The following CADM2 variants were observed in gnomAD, a reference collection of about 807,000 sequenced individuals.
CADM2 encodes the protein cell adhesion molecule 2.
In CADM2, 12 loss-of-function variants were observed where a neutral mutation model predicts 49.8. The observed-to-expected ratio is 0.24, with a 90% CI of 0.15 to 0.39. The LOEUF (loss-of-function observed/expected upper bound fraction) is 0.39. Among genes scored for constraint, CADM2 ranks in the 10% least tolerant of loss-of-function variants. The pLI, the probability that CADM2 is intolerant of heterozygous loss-of-function variation, is 1.00. For synonymous variants in CADM2, 214 were observed against 175.4 expected (o/e 1.22, Z -1.74); for missense variants, 378 against 492.3 (o/e 0.77, Z 2.20).
At chr3:86,054,853 C>T (rs1475005828) in intron 8 of CADM2, among the ~76,000 whole-genome samples, 2 of 151,938 alleles carry the variant, frequency 1.3e-5, no homozygotes, top group Non-Finnish European at 2.9e-5. Context: ...AATACATTGC[C>T]AAAATGGATA....
rs575783682 is a variant in CADM2, at chr3:85,919,321, T to C, written c.700+6778T>C. On this transcript the variant is annotated intron_variant, in intron 6 of 9. Transcript: ENST00000383699. ...TAAAGCAATAAATAGTTAAAATAGC[T>C]TGTAGAGGAGACCCTGCATGTACAC... 1.1e-4 allele frequency among the ~76,000 whole-genome samples: 16 copies of C among 152,032 alleles called. No homozygotes were observed. In the South Asian group the frequency reaches 3.3e-3, roughly 32 times the overall value.
At chr3:85,850,314 C>CTTTTT (rs577604958) in intron 3 of CADM2, among the ~76,000 whole-genome samples, 5 of 76,066 alleles carry the variant, frequency 6.6e-5, no homozygotes, top group Non-Finnish European at 1.0e-4. Context: ...TGTTGCAATT[C>CTTTTT]TTTTTTTTTT....
At position 86,008,649 on chromosome 3, in the gene CADM2, T is replaced by G. The variant is rs552761463; in HGVS notation, c.970+47002T>G. Among the ~76,000 whole-genome samples the G allele has an allele frequency of 3.9e-5, 6 of 152,032 alleles. No individual in the cohort carries two copies. The East Asian group carries it at 9.6e-4, about 24-fold the overall frequency. On this transcript the variant is annotated intron_variant, in intron 8 of 9. Coordinates refer to ENST00000383699, the MANE Select transcript of CADM2 (RefSeq NM_001167675.2). ...AAAGAGGATTTAGAGGGCTAAATTT[T>G]AATTTGGAATCTTGACCTGTGCTAA...
At chr3:85,018,372 A>ATTAT (rs2034342130) in intron 1 of CADM2, among the ~76,000 whole-genome samples, 3 of 152,156 alleles carry the variant, frequency 2.0e-5, no homozygotes, top group South Asian at 2.1e-4. Flanking sequence ...CTGTGAGTTT[A>ATTAT]TTATTTATTT....
intron 1 of CADM2, among the ~76,000 whole-genome samples, chr3:85,428,200 T>C (rs2036500765): frequency 6.7e-6 from 1 of 150,178 alleles, no homozygotes; most frequent in South Asian, 2.1e-4. Flanking sequence ...TATACCTAAA[T>C]TGTAAAAAAA....
At chr3:85,386,675 A>G (rs775545209) in intron 1 of CADM2, among the ~76,000 whole-genome samples, 7 of 152,184 alleles carry the variant, frequency 4.6e-5, no homozygotes, top group Non-Finnish European at 1.0e-4. Flanking sequence ...AATACTTACC[A>G]GGGTTGGAAG....
At chr3:85,204,459 C>T (rs943734907) in intron 1 of CADM2, among the ~76,000 whole-genome samples, 4 of 152,082 alleles carry the variant, frequency 2.6e-5, no homozygotes, top group Admixed American at 6.6e-5. Flanking sequence ...ACCTTATTTA[C>T]GTTCCATCTC....
chr3:85,559,655 AACACACACAC>A (rs144677158), intron 1 of CADM2, among the ~76,000 whole-genome samples: 5 of 111,006 alleles, frequency 4.5e-5, no homozygotes, highest in African/African-American at 8.7e-5. Flanking sequence ...ATTTAAAAGA[AACACACACAC>A]ACACACACAC....
At chr3:85,726,707 C>A (rs543816174) in intron 2 of CADM2, among the ~76,000 whole-genome samples, 159 bp downstream of exon 2, 64 of 152,160 alleles carry the variant, frequency 4.2e-4, no homozygotes, top group Admixed American at 1.1e-3. Flanking sequence ...TCAATTATTT[C>A]AGTTATCCAA....
At chr3:85,654,458 A>G (rs2107591527) in intron 1 of CADM2, among the ~76,000 whole-genome samples, 1 of 152,284 alleles carries the variant, frequency 6.6e-6, no homozygotes, top group East Asian at 1.9e-4. Flanking sequence ...AAAGTTCAGT[A>G]GATACATTGA....
chr3:85,568,249 C>G (rs1302872920), intron 1 of CADM2, among the ~76,000 whole-genome samples: 2 of 152,134 alleles, frequency 1.3e-5, no homozygotes, highest in Non-Finnish European at 2.9e-5. Flanking sequence ...TCACAATTCA[C>G]TCTGCGAAGT....
intron 2 of CADM2, among the ~76,000 whole-genome samples, chr3:85,774,720 A>C (rs2070270192): frequency 1.3e-5 from 2 of 151,710 alleles, no homozygotes; most frequent in South Asian, 4.1e-4. Context: ...GTCTGCTCTC[A>C]TAATAGGTCA....
chr3:85,469,036 C>T (rs2038650702), intron 1 of CADM2, among the ~76,000 whole-genome samples: 1 of 152,170 alleles, frequency 6.6e-6, no homozygotes, highest in Non-Finnish European at 1.5e-5. Context: ...CAGCACACTT[C>T]AGGCCACCAC....
chr3:85,757,601 C>T (rs1266354711), intron 2 of CADM2, among the ~76,000 whole-genome samples: 14 of 152,008 alleles, frequency 9.2e-5, no homozygotes, highest in Non-Finnish European at 1.5e-5. Flanking sequence ...AATTTCAAAG[C>T]TTAATAGAAG....
chr3:85,546,038 A>G (rs749951712), intron 1 of CADM2, among the ~76,000 whole-genome samples: 4 of 152,212 alleles, frequency 2.6e-5, no homozygotes, highest in African/African-American at 4.8e-5. Flanking sequence ...AGCACATTCT[A>G]TACCTAAAAT....
In CADM2 at chr3:85,272,090, A is replaced by T. The variant is rs72919225; in HGVS notation, c.61+312422A>T. Among the ~76,000 whole-genome samples the T allele has an allele frequency of 7.4e-3, 1,068 of 144,414 alleles. 13 individuals carry two copies. Among genetic ancestry groups the T allele is most frequent in the Middle Eastern group, 0.025 (7 of 278 alleles). The allele number at this position is 144,414 out of a possible 152,430, so 94.7% of individuals were successfully genotyped here. Reference sequence around the variant, plus strand: ...GGGCAGTTGTCCATATTTTATAGATAAAAAAAAAAGGGTTTGCTGCTAATG... The same window carrying T: ...GGGCAGTTGTCCATATTTTATAGATTAAAAAAAAAGGGTTTGCTGCTAATG... On this transcript the variant is annotated intron_variant, in intron 1 of 9. Coordinates refer to ENST00000383699, the MANE Select transcript of CADM2 (RefSeq NM_001167675.2).
At chr3:85,717,094 C>G (rs529120736) in intron 1 of CADM2, among the ~76,000 whole-genome samples, 25 of 152,126 alleles carry the variant, frequency 1.6e-4, no homozygotes, top group Non-Finnish European at 3.4e-4. Flanking sequence ...GGCTGTATGG[C>G]CATTTTTATG....
At chr3:85,227,930 A>C (rs1040310437) in intron 1 of CADM2, among the ~76,000 whole-genome samples, 1 of 152,158 alleles carries the variant, frequency 6.6e-6, no homozygotes, top group Non-Finnish European at 1.5e-5. Flanking sequence ...TCTGGGTTGA[A>C]AATTATTTTC....
chr3:85,747,131 G>A (rs1489220744), intron 2 of CADM2, among the ~76,000 whole-genome samples: 1 of 151,950 alleles, frequency 6.6e-6, no homozygotes, highest in East Asian at 1.9e-4. Flanking sequence ...ATAACATCCT[G>A]TACTCGCTTG....
Sources: gnomAD v4.1 joint callset for allele counts (sites outside exome capture counted in the v4.1 genomes callset) on GRCh38, gnomAD v4.1.1 for gene constraint, MANE v1.5 for transcripts, NCBI Gene and HGNC (gene_info 2026-07-23, HGNC 2026-07-21) for gene names.